The following CARF variants were observed in gnomAD, a reference collection of about 807,000 sequenced individuals.
CARF encodes the protein calcium responsive transcription factor, also known as calcium-responsive transcription factor.
A neutral mutation model predicts 82.0 loss-of-function variants in CARF; 57 were observed. The observed-to-expected ratio is 0.70, with a 90% CI of 0.56 to 0.87. The LOEUF (loss-of-function observed/expected upper bound fraction) is 0.87. Among genes scored for constraint, CARF ranks in the 40% least tolerant of loss-of-function variants. The pLI, the probability that CARF is intolerant of heterozygous loss-of-function variation, is 0.00. For missense variants in CARF, 771 were observed against 855.8 expected, an observed-to-expected ratio of 0.90 and a Z score of 1.24; for synonymous variants, 268 against 290.1, an observed-to-expected ratio of 0.92 and a Z score of 0.77.
In CARF at chr2:202,981,569, G is replaced by T. The variant is rs1211038885; in HGVS notation, c.1573G>T (p.Glu525Ter). The T allele has an allele frequency of 1.1e-5, 17 of 1,598,208 alleles. No homozygotes were observed. The highest frequency in any genetic ancestry group is 1.5e-5 in the Non-Finnish European group (17 of 1,171,500). The change falls in exon 15 of 17, where the codon GAA becomes TAA. Residue 525 changes from glutamate (E) to a stop codon, truncating the protein, a stop_gained. Transcript: ENST00000438828. LOFTEE classifies it high-confidence loss of function. ...ATATAATTTAGGAAATTCACCAGGA[G>T]AATCAATTACCACCAAAGTGGAAAC... is the stretch of plus-strand genomic sequence containing the variant. ...VTFAEGNSPG[E>*]SITTKVETNQ...
rs1182507080 is a variant in CARF at position 202,947,237 on chromosome 2, C to A, written c.306+4270C>A. Among the ~76,000 whole-genome samples, 8 of 152,210 alleles carry A rather than the reference C, an allele frequency of 5.3e-5. No homozygotes were observed. The South Asian group carries it at 1.5e-3, about 28-fold the overall frequency. On this transcript the variant is annotated intron_variant, in intron 5 of 16. Coordinates refer to ENST00000438828, the MANE Select transcript of CARF (RefSeq NM_024744.17). ...TCTTGGAACTACCCCAAATGCCCAT[C>A]AATGATAGACTGGATAAAGAAAATG...
At position 202,971,568 on chromosome 2, in the gene CARF, C is replaced by T; in HGVS notation, c.1161C>T (p.Leu387=). Residue 387 remains leucine, a synonymous_variant, in exon 12 of 17, where the codon CTC becomes CTT. Coordinates refer to ENST00000438828, the MANE Select transcript of CARF (RefSeq NM_024744.17). ...ATCATGAATTAGAGACTCCCTGCCT[C>T]ACTTTGTCACCTTCTCCTTTTCCTG... ...HQYHELETPC[L]TLSPSPFPVS... 6.2e-7 allele frequency: 1 copy of T among 1,613,750 alleles called. No homozygotes were observed. The highest frequency in any genetic ancestry group is 8.5e-7 in the Non-Finnish European group (1 of 1,179,810).
intron 2 of CARF, among the ~76,000 whole-genome samples, chr2:202,921,087 C>T (rs916461592): frequency 5.3e-5 from 8 of 152,040 alleles, no homozygotes; most frequent in African/African-American, 9.7e-5. Context: ...CTGCAACCTC[C>T]GCCTCCCAGG....
Position 202,941,999 on chromosome 2 carries a change from A to G in CARF, c.78+19A>G. On this transcript the variant is annotated intron_variant, in intron 4 of 16. Transcript: ENST00000438828. ...ATTTGAGGTATGGATTCAGCTGGGA[A>G]CCTTTTTCCATCCTAGGGTAAAACA... 1 of 1,597,488 alleles carries G rather than the reference A, an allele frequency of 6.3e-7. No individual in the cohort carries two copies.
At position 202,984,428 on chromosome 2, in the gene CARF, AAAAG is replaced by A. The variant is rs1379331367; in HGVS notation, c.*807_*810del. The A allele has an allele frequency of 6.6e-6, 1 of 152,212 alleles. No individual in the cohort carries two copies. 9.4% of individuals were successfully genotyped at this position (152,212 alleles called of 1,614,324 possible). On this transcript the variant is annotated 3_prime_UTR_variant, in exon 17 of 17. Transcript: ENST00000438828. ...AAGATGTAGAAATTAAGAGAATTGA[AAAAG>A]AATAATAGAATTCCTTGGTGTTTAC...
At chr2:202,957,003 G>A (rs2059080470) in intron 8 of CARF, among the ~76,000 whole-genome samples, 1 of 151,792 alleles carries the variant, frequency 6.6e-6, no homozygotes, top group South Asian at 2.1e-4. Context: ...TTGTCAGGCT[G>A]GTCTCGAACT....
intron 5 of CARF, among the ~76,000 whole-genome samples, chr2:202,945,001 G>C (rs1055413000): frequency 6.6e-6 from 1 of 152,082 alleles, no homozygotes; most frequent in African/African-American, 2.4e-5. Flanking sequence ...AAGGTTATTT[G>C]AAACCATGAA....
chr2:202,913,154 G>T, intron 1 of CARF, 52 bp downstream of exon 1: 1 of 152,146 alleles, frequency 6.6e-6, no homozygotes, highest in Non-Finnish European at 1.5e-5. Context: ...GTTTAAAGAT[G>T]TCCTACTGTA....
intron 10 of CARF, among the ~76,000 whole-genome samples, chr2:202,969,042 A>C (rs548270575): frequency 2.4e-4 from 37 of 152,180 alleles, no homozygotes; most frequent in Admixed American, 6.5e-4. Flanking sequence ...ATAATCCCAG[A>C]ACTTTGGGAG....
At position 202,912,687 on chromosome 2, in the gene CARF, GAGGTT is replaced by G. The variant is rs2105919127; in HGVS notation, c.-740_-736del. ...CCAGAGGGGCAGGCTGGAGAAGGAG[GAGGTT>G]AGGTGTCTTCAGGAGGGTTGCTGAG... is the stretch of plus-strand genomic sequence containing the variant. On this transcript the variant is annotated 5_prime_UTR_variant, in exon 1 of 17. An upstream open reading frame in the 5' UTR gains an earlier in-frame stop. Coordinates refer to ENST00000438828, the MANE Select transcript of CARF (RefSeq NM_024744.17). 6.6e-6 allele frequency: 1 copy of G among 151,490 alleles called. No individual in the cohort carries two copies. The highest frequency in any genetic ancestry group is 2.0e-4 in the East Asian group (1 of 5,068). The allele number at this position is 151,490 out of a possible 1,614,324, so 9.4% of individuals were successfully genotyped here. A position where few individuals can be genotyped will look rare whatever the true frequency, so the allele number is the denominator to read the frequency against.
chr2:202,936,440 C>T (rs1377456153), intron 3 of CARF, among the ~76,000 whole-genome samples: 1 of 152,182 alleles, frequency 6.6e-6, no homozygotes, highest in Non-Finnish European at 1.5e-5. Context: ...TATACCTTCC[C>T]TCAAGCCTCT....
At position 202,942,916 on chromosome 2, in the gene CARF, G is replaced by T. The variant is rs769266943; in HGVS notation, c.255G>T (p.Gly85=). 33 of 1,613,932 alleles carry T rather than the reference G, an allele frequency of 2.0e-5. No individual in the cohort carries two copies. The South Asian group carries it at 3.3e-4, about 16-fold the overall frequency. Residue 85 remains glycine (G), a synonymous_variant, in exon 5 of 17, where the codon GGG becomes GGT. Transcript: ENST00000438828. ...AEQFHLVDQN[G]QAIQYELQSL... ...AATTCCATCTAGTGGACCAAAATGGGCAGGCTATTCAATATGAACTTCAGT... is the reference window on the plus strand; with the variant it reads ...AATTCCATCTAGTGGACCAAAATGGTCAGGCTATTCAATATGAACTTCAGT...
chr2:202,935,352 T>G (rs984199913), intron 3 of CARF, among the ~76,000 whole-genome samples: 4 of 147,304 alleles, frequency 2.7e-5, no homozygotes, highest in Non-Finnish European at 5.9e-5. Flanking sequence ...ATTAGTAGAA[T>G]AGTAAATGAA....
Position 202,988,148 on chromosome 2 carries a change from C to A in CARF, c.*4524C>A, listed in dbSNP as rs1427255646. 6.6e-6 allele frequency among the ~76,000 whole-genome samples: 1 copy of A among 152,152 alleles called. No individual in the cohort carries two copies. Among genetic ancestry groups the A allele is most frequent in the Admixed American group, 6.5e-5 (1 of 15,270 alleles). On this transcript the variant is annotated 3_prime_UTR_variant, in exon 17 of 17. Coordinates refer to ENST00000438828, the MANE Select transcript of CARF (RefSeq NM_024744.17). ...TTGCATTTATGAATAAATCATTTAT[C>A]TGCTGCTGAGTAGAACTGCATTTTA...
At chr2:202,922,683 T>G (rs375074595) in intron 2 of CARF, among the ~76,000 whole-genome samples, 4 of 152,058 alleles carry the variant, frequency 2.6e-5, no homozygotes, top group Admixed American at 1.3e-4. Context: ...CAGGCTCCTA[T>G]AATCCTAGCT....
chr2:202,964,435 AT>A (rs1397957002), intron 9 of CARF, among the ~76,000 whole-genome samples: 1 of 151,958 alleles, frequency 6.6e-6, no homozygotes, highest in Admixed American at 6.6e-5. Context: ...ATATGCCACC[AT>A]GCTCAGCTAA....
intron 3 of CARF, among the ~76,000 whole-genome samples, chr2:202,935,530 TCTC>T (rs1057030364): frequency 6.6e-5 from 10 of 151,688 alleles, no homozygotes; most frequent in African/African-American, 2.2e-4. Flanking sequence ...GCTCAAGTGA[TCTC>T]CTGCCTCAGC....
chr2:202,954,710 TA>T (rs35250610), intron 7 of CARF, among the ~76,000 whole-genome samples: 9,780 of 120,730 alleles, frequency 0.081, 348 homozygotes, highest in Admixed American at 0.1. Flanking sequence ...AGACATCATT[TA>T]AAAAAAAAAA....
Position 202,961,255 on chromosome 2 carries a change from CGTGGCT to C in CARF, c.662_667del (p.Arg221_Tyr223delinsHis). 1 of 1,606,728 alleles carries C rather than the reference CGTGGCT, an allele frequency of 6.2e-7. No individual in the cohort carries two copies. Among genetic ancestry groups the C allele is most frequent in the Non-Finnish European group, 8.5e-7 (1 of 1,175,626 alleles). ...CATGCAGAAAATTGGAGATTCATAC[CGTGGCT>C]ACTGTGTAAGTGAGACTGAATTAGA... On this transcript the variant is annotated inframe_deletion, in exon 9 of 17. Transcript: ENST00000438828.
Sources: allele counts gnomAD v4.1 joint callset (sites outside exome capture counted in the v4.1 genomes callset), GRCh38; gene constraint gnomAD v4.1.1; transcripts MANE v1.5; gene names NCBI Gene and HGNC (gene_info 2026-07-23, HGNC 2026-07-21).